Variants in MCF2L2 observed in about 807,000 individuals in gnomAD.
The protein encoded by MCF2L2 is MCF.2 cell line derived transforming sequence-like 2.
Under a neutral mutation model 150.2 loss-of-function variants are expected in MCF2L2, and 102 were observed. The ratio of observed to expected loss-of-function variants is 0.68; its 90% confidence interval spans 0.58 to 0.80. MCF2L2 has a LOEUF of 0.80. Among genes scored for constraint, MCF2L2 ranks in the 30% least tolerant of loss-of-function variants. The pLI is 0.00. For missense variants in MCF2L2, 1,256 were observed against 1,372.8 expected (o/e 0.91, Z 1.34); for synonymous variants, 465 against 491.3 (o/e 0.95, Z 0.71).
At chr3:183,282,326 C>T (rs893332693) in intron 14 of MCF2L2, among the ~76,000 whole-genome samples, 1 of 151,158 alleles carries the variant, frequency 6.6e-6, no homozygotes, top group Admixed American at 6.6e-5. Context: ...CTACAGGCAC[C>T]CGCCACCACG....
intron 21 of MCF2L2, among the ~76,000 whole-genome samples, chr3:183,218,640 A>AC (rs1312198342): frequency 6.6e-6 from 1 of 152,044 alleles, no homozygotes; most frequent in Non-Finnish European, 1.5e-5. Context: ...TCTCAAAAAA[A>AC]TAAAAAAATA....
intron 15 of MCF2L2, chr3:183,269,536 C>T (rs950973543): frequency 4.1e-5 from 16 of 388,936 alleles, no homozygotes; most frequent in East Asian, 4.9e-5. Flanking sequence ...CGCATGAGGC[C>T]GCCCACCACG....
intron 1 of MCF2L2, among the ~76,000 whole-genome samples, chr3:183,408,556 A>C (rs1715163273): frequency 1.3e-5 from 2 of 152,190 alleles, no homozygotes; most frequent in African/African-American, 4.8e-5. Flanking sequence ...CCCAGTGCCC[A>C]GCTCCCGCAG....
intron 27 of MCF2L2, 87 bp downstream of exon 27, chr3:183,192,912 G>T: frequency 1.1e-6 from 1 of 934,988 alleles, no homozygotes; most frequent in South Asian, 1.5e-5. Flanking sequence ...GAAGGGCTGG[G>T]CCCTAGGTGA....
At chr3:183,343,649 G>A (rs1420448083) in intron 3 of MCF2L2, among the ~76,000 whole-genome samples, 3 of 152,194 alleles carry the variant, frequency 2.0e-5, no homozygotes, top group South Asian at 2.1e-4. Flanking sequence ...GATTACAGGC[G>A]TGAGCCACCA....
At chr3:183,200,820 C>A (rs1244709859) in intron 25 of MCF2L2, among the ~76,000 whole-genome samples, 1 of 152,106 alleles carries the variant, frequency 6.6e-6, no homozygotes, top group Admixed American at 6.5e-5. Context: ...AGGAAGGGAT[C>A]CAGTTTCAGC....
chr3:183,191,323 C>A (rs1050392042), intron 27 of MCF2L2, among the ~76,000 whole-genome samples: 2 of 152,106 alleles, frequency 1.3e-5, no homozygotes, highest in African/African-American at 4.8e-5. Context: ...AATGGATGAA[C>A]GTATACACTG....
At chr3:183,201,673 T>C (rs140524473) in intron 25 of MCF2L2, among the ~76,000 whole-genome samples, 101 of 152,100 alleles carry the variant, frequency 6.6e-4, no homozygotes, top group African/African-American at 2.3e-3. Flanking sequence ...TGAGTAGGAG[T>C]GGTGAGAGAG....
chr3:183,353,322 C>T (rs535146973), intron 3 of MCF2L2, among the ~76,000 whole-genome samples: 3 of 152,250 alleles, frequency 2.0e-5, no homozygotes, highest in Non-Finnish European at 4.4e-5. Context: ...GCCTTAGTTC[C>T]GTGCTTTAAT....
intron 15 of MCF2L2, chr3:183,265,922 G>A (rs1726071045): frequency 6.6e-6 from 1 of 152,200 alleles, no homozygotes; most frequent in South Asian, 2.1e-4. Flanking sequence ...TAAATAAGTA[G>A]CGTGGGATGT....
intron 15 of MCF2L2, among the ~76,000 whole-genome samples, chr3:183,273,900 A>C (rs960947784): frequency 6.6e-6 from 1 of 152,150 alleles, no homozygotes; most frequent in Non-Finnish European, 1.5e-5. Context: ...GGATGTTTGC[A>C]CATCGATGTG....
At chr3:183,260,293 T>C (rs980516200) in intron 15 of MCF2L2, among the ~76,000 whole-genome samples, 1 of 151,978 alleles carries the variant, frequency 6.6e-6, no homozygotes, top group Non-Finnish European at 1.5e-5. Context: ...TGGTATATAG[T>C]AGACATACCC....
At chr3:183,239,757 AC>A (rs1165004816) in intron 15 of MCF2L2, among the ~76,000 whole-genome samples, 1 of 152,170 alleles carries the variant, frequency 6.6e-6, no homozygotes, top group Non-Finnish European at 1.5e-5. Flanking sequence ...CTTTTCAAGA[AC>A]CCGAACTCAG....
chr3:183,212,229 C>T lies in MCF2L2; in HGVS notation c.2496+3740G>A, dbSNP rs144900567. Among the ~76,000 whole-genome samples, 10 of 152,206 alleles carry T rather than the reference C, an allele frequency of 6.6e-5. No individual in the cohort carries two copies. The East Asian group carries it at 1.7e-3, about 27-fold the overall frequency. On this transcript the variant is annotated intron_variant, in intron 22 of 29. Coordinates refer to ENST00000328913, the MANE Select transcript of MCF2L2 (RefSeq NM_015078.4). Reference sequence around the variant, plus strand: ...CTCACCTTGCCTTTGGACGTCTAGCCGTCAAAACTGTGAGGGAATAAATTT... The same window carrying T: ...CTCACCTTGCCTTTGGACGTCTAGCTGTCAAAACTGTGAGGGAATAAATTT...
intron 5 of MCF2L2, among the ~76,000 whole-genome samples, chr3:183,330,389 C>T (rs1255724443): frequency 2.0e-5 from 3 of 151,856 alleles, no homozygotes; most frequent in Non-Finnish European, 4.4e-5. Context: ...CCGTTGTTGA[C>T]CAAAATGTTG....
chr3:183,230,797 T>A (rs572572599), intron 16 of MCF2L2, among the ~76,000 whole-genome samples, 154 bp downstream of exon 16: 8 of 152,326 alleles, frequency 5.3e-5, no homozygotes, highest in South Asian at 4.1e-4. Context: ...ACAGGGATGT[T>A]CTTATTCCTA....
chr3:183,355,124 C>G (rs1401679923), intron 3 of MCF2L2, among the ~76,000 whole-genome samples: 1 of 150,822 alleles, frequency 6.6e-6, no homozygotes, highest in Non-Finnish European at 1.5e-5. Context: ...TAATGGATCC[C>G]ATCCCCTCCA....
intron 25 of MCF2L2, among the ~76,000 whole-genome samples, chr3:183,204,238 T>G (rs773890546): frequency 1.3e-5 from 2 of 152,034 alleles, no homozygotes; most frequent in Non-Finnish European, 2.9e-5. Flanking sequence ...AAATAATATA[T>G]CTGATAAAAG....
chr3:183,358,982 A>T (rs1260204096), intron 3 of MCF2L2, among the ~76,000 whole-genome samples: 1 of 151,656 alleles, frequency 6.6e-6, no homozygotes, highest in Non-Finnish European at 1.5e-5. Context: ...CTGATCATGA[A>T]GCAGTGGAAA....
Sources: gnomAD v4.1 joint callset for allele counts (sites outside exome capture counted in the v4.1 genomes callset) on GRCh38, gnomAD v4.1.1 for gene constraint, MANE v1.5 for transcripts, NCBI Gene and HGNC (gene_info 2026-07-23, HGNC 2026-07-21) for gene names.